Variants in SDK1 observed in about 807,000 individuals in gnomAD.
SDK1 encodes the protein sidekick cell adhesion molecule 1.
SDK1 carries 157 observed loss-of-function variants against 245.5 expected under a neutral mutation model. That is an observed-to-expected ratio of 0.64 (90% CI 0.56 to 0.73). SDK1 has a LOEUF of 0.73. Ranked by LOEUF, SDK1 falls within the 30% of genes least tolerant of loss-of-function variation. The pLI is 0.00. For missense variants in SDK1, 3,583 were observed against 3,002.3 expected (o/e 1.19, Z -4.52); for synonymous variants, 1,647 against 1,278.5 (o/e 1.29, Z -6.15).
chr7:3,384,454 T>C (rs1583778122), intron 1 of SDK1, among the ~76,000 whole-genome samples: 1 of 152,242 alleles, frequency 6.6e-6, no homozygotes, highest in Non-Finnish European at 1.5e-5. Flanking sequence ...TATATGCTTT[T>C]AGAAGAGTCA....
At chr7:3,659,008 G>A (rs1282655033) in intron 4 of SDK1, among the ~76,000 whole-genome samples, 3 of 152,024 alleles carry the variant, frequency 2.0e-5, no homozygotes, top group Non-Finnish European at 4.4e-5. Context: ...CACTTCTCAG[G>A]CCTGGCAACC....
chr7:3,351,318 C>G (rs1157050071), intron 1 of SDK1, among the ~76,000 whole-genome samples: 2 of 152,098 alleles, frequency 1.3e-5, no homozygotes, highest in East Asian at 1.9e-4. Context: ...TTTTACCTAA[C>G]AATTTATTGA....
intron 4 of SDK1, among the ~76,000 whole-genome samples, chr7:3,656,850 C>A (rs989180636): frequency 2.0e-5 from 3 of 152,002 alleles, no homozygotes; most frequent in African/African-American, 7.2e-5. Flanking sequence ...CGGGTTCACA[C>A]CATTCTCCTG....
At chr7:3,658,713 C>T (rs1369888940) in intron 4 of SDK1, among the ~76,000 whole-genome samples, 2 of 149,606 alleles carry the variant, frequency 1.3e-5, no homozygotes, top group Non-Finnish European at 1.5e-5. Context: ...CTCCCAGGTT[C>T]AAGAAATCCT....
At chr7:3,430,057 A>G (rs1434862203) in intron 1 of SDK1, among the ~76,000 whole-genome samples, 2 of 152,150 alleles carry the variant, frequency 1.3e-5, no homozygotes, top group African/African-American at 2.4e-5. Flanking sequence ...GAATGGTGGA[A>G]CTCTGCCTCT....
chr7:3,888,008 A>G (rs1300177321), intron 5 of SDK1, among the ~76,000 whole-genome samples: 1 of 152,220 alleles, frequency 6.6e-6, no homozygotes, highest in East Asian at 1.9e-4. Flanking sequence ...TCACCTTAAC[A>G]ATAAAGGTGC....
intron 1 of SDK1, among the ~76,000 whole-genome samples, chr7:3,458,313 A>C (rs781085438): frequency 3.3e-5 from 5 of 152,250 alleles, no homozygotes; most frequent in Admixed American, 2.6e-4. Context: ...AAATTCATTT[A>C]GGATATAAGC....
intron 35 of SDK1, among the ~76,000 whole-genome samples, chr7:4,200,462 G>A (rs985319389): frequency 6.6e-6 from 1 of 152,266 alleles, no homozygotes. Flanking sequence ...GAATAACTTA[G>A]GTAGGTCCTC....
chr7:4,228,089 C>T (rs1331552876), intron 40 of SDK1, among the ~76,000 whole-genome samples: 1 of 152,188 alleles, frequency 6.6e-6, no homozygotes, highest in African/African-American at 2.4e-5. Flanking sequence ...TAAAGAAAAG[C>T]CGCCTCAATG....
chr7:3,932,919 CCTGATTATTTACG>C (rs1278063095), intron 5 of SDK1, among the ~76,000 whole-genome samples: 1 of 152,076 alleles, frequency 6.6e-6, no homozygotes. Context: ...TTGTGCTGAG[CCTGATTATTTACG>C]CTTCTCAGAA....
chr7:3,459,790 G>A (rs889600409), intron 1 of SDK1, among the ~76,000 whole-genome samples: 7 of 152,134 alleles, frequency 4.6e-5, no homozygotes, highest in African/African-American at 1.7e-4. Context: ...CTTGGCCTGG[G>A]GTAGGGGCCT....
intron 5 of SDK1, among the ~76,000 whole-genome samples, chr7:3,924,142 C>A (rs9886335): frequency 1.3e-5 from 2 of 150,228 alleles, no homozygotes; most frequent in African/African-American, 4.9e-5. Flanking sequence ...GTAAAGGGGA[C>A]GCTGTTGTAA....
chr7:3,905,401 T>C (rs188956167), intron 5 of SDK1, among the ~76,000 whole-genome samples: 59 of 152,356 alleles, frequency 3.9e-4, no homozygotes, highest in African/African-American at 1.3e-3. Context: ...TTTCACTTTC[T>C]TTCAATCCTT....
intron 4 of SDK1, among the ~76,000 whole-genome samples, chr7:3,818,016 T>G (rs1422847585): frequency 1.3e-5 from 2 of 152,262 alleles, no homozygotes; most frequent in Non-Finnish European, 2.9e-5. Flanking sequence ...AGCTTGTTCT[T>G]TATGATGTAG....
rs763503842 is a variant in SDK1 at position 4,079,619 on chromosome 7, C to T, written c.3324+35C>T. 17 of 1,612,326 alleles carry T rather than the reference C, an allele frequency of 1.1e-5. 1 individual carries two copies. Among genetic ancestry groups the T allele is most frequent in the Middle Eastern group, 1.7e-4 (1 of 5,938 alleles). Reference sequence around the variant, plus strand: ...TCGTTAGACTGGGAGCTGGCATTTGCGAAGAGCAGTGTTGGGGCCTGTGAA... The same window carrying T: ...TCGTTAGACTGGGAGCTGGCATTTGTGAAGAGCAGTGTTGGGGCCTGTGAA... On this transcript the variant is annotated intron_variant, in intron 22 of 44. Transcript: ENST00000404826.
rs1045822829 is a variant in SDK1 at position 4,266,582 on chromosome 7, A to G, written c.*1198A>G. 4 of 972,140 alleles carry G rather than the reference A, an allele frequency of 4.1e-6. No homozygotes were observed. The highest frequency in any genetic ancestry group is 2.4e-6 in the Non-Finnish European group (2 of 819,322). 60.2% of individuals were successfully genotyped at this position (972,140 alleles called of 1,614,324 possible). A position where few individuals can be genotyped will look rare whatever the true frequency, so the allele number is the denominator to read the frequency against. ...TTTTTTGGAAATGTTTCTTTTTTTT[A>G]TTTAAAATTGTCATTGTTTGGTTTA... is the stretch of plus-strand genomic sequence containing the variant. On this transcript the variant is annotated 3_prime_UTR_variant, in exon 45 of 45. Transcript: ENST00000404826.
At chr7:3,947,074 C>G (rs1265186871) in intron 5 of SDK1, among the ~76,000 whole-genome samples, 1 of 152,186 alleles carries the variant, frequency 6.6e-6, no homozygotes, top group South Asian at 2.1e-4. Flanking sequence ...CTTCACACAT[C>G]CTTCTCAAAA....
chr7:3,585,749 A>G (rs1346144383), intron 1 of SDK1, among the ~76,000 whole-genome samples: 1 of 152,178 alleles, frequency 6.6e-6, no homozygotes, highest in East Asian at 1.9e-4. Context: ...GATTGAGCAC[A>G]GCATAAGAGA....
intron 1 of SDK1, among the ~76,000 whole-genome samples, chr7:3,403,869 A>AT (rs1554266408): frequency 0.023 from 2,080 of 88,862 alleles, 96 homozygotes; most frequent in African/African-American, 0.078. Context: ...ATATATATAT[A>AT]ATATATATAT....
Sources: allele counts gnomAD v4.1 joint callset (sites outside exome capture counted in the v4.1 genomes callset), GRCh38; gene constraint gnomAD v4.1.1; transcripts MANE v1.5; gene names NCBI Gene and HGNC (gene_info 2026-07-23, HGNC 2026-07-21).